The following STK3 variants were observed in gnomAD, a reference collection of about 807,000 sequenced individuals.
STK3 encodes the protein serine/threonine kinase 3.
A neutral mutation model predicts 58.0 loss-of-function variants in STK3; 41 were observed. That is an observed-to-expected ratio of 0.71 (90% CI 0.55 to 0.92). The LOEUF (loss-of-function observed/expected upper bound fraction) is 0.92, where lower values mean the gene tolerates loss of function less well. Ranked by LOEUF, STK3 falls within the 40% of genes least tolerant of loss-of-function variation. The pLI is 0.00. For synonymous variants in STK3, 170 were observed against 191.0 expected (o/e 0.89, Z 0.91); for missense variants, 479 against 602.7 (o/e 0.79, Z 2.15).
intron 6 of STK3, among the ~76,000 whole-genome samples, chr8:98,691,196 C>A (rs1224742834): frequency 1.3e-5 from 2 of 151,932 alleles, no homozygotes; most frequent in African/African-American, 4.8e-5. Context: ...TGCACATGTA[C>A]CCTAAAATAA....
At chr8:98,878,079 G>A (rs1837625746) in intron 3 of STK3, among the ~76,000 whole-genome samples, 1 of 142,358 alleles carries the variant, frequency 7.0e-6, no homozygotes, top group Non-Finnish European at 1.5e-5. Flanking sequence ...TTTTTTTTGA[G>A]TCTTGCTCTG....
At chr8:98,628,877 G>A (rs1469284305) in intron 6 of STK3, among the ~76,000 whole-genome samples, 1 of 149,526 alleles carries the variant, frequency 6.7e-6, no homozygotes, top group Non-Finnish European at 1.5e-5. Context: ...AGTGACGAAG[G>A]TAAAGGAATA....
At chr8:98,824,785 G>T (rs1835144506) in intron 1 of STK3, among the ~76,000 whole-genome samples, 1 of 152,126 alleles carries the variant, frequency 6.6e-6, no homozygotes, top group Non-Finnish European at 1.5e-5. Context: ...CTTCACAACA[G>T]CACTATCTGA....
chr8:98,857,050 G>A (rs1173974882), intron 3 of STK3, among the ~76,000 whole-genome samples: 1 of 152,174 alleles, frequency 6.6e-6, no homozygotes, highest in East Asian at 1.9e-4. Context: ...TTAGGGCAGG[G>A]GAGGACAGGG....
At chr8:98,941,168 G>T (rs1374218730) in intron 1 of STK3, among the ~76,000 whole-genome samples, 1 of 152,258 alleles carries the variant, frequency 6.6e-6, no homozygotes, top group Non-Finnish European at 1.5e-5. Flanking sequence ...GCAGCCCGCG[G>T]CTGCGCTTTC....
At chr8:98,763,465 A>AT (rs1830756064) in intron 3 of STK3, among the ~76,000 whole-genome samples, 1 of 152,230 alleles carries the variant, frequency 6.6e-6, no homozygotes, top group Non-Finnish European at 1.5e-5. Flanking sequence ...AAATAGCTGA[A>AT]TGTATTAAGA....
Position 98,428,632 on chromosome 8 carries a change from A to G in STK3, n.483+5495T>C. The G allele has an allele frequency of 6.2e-7, 1 of 1,614,198 alleles. No individual in the cohort carries two copies. Among genetic ancestry groups the G allele is most frequent in the Non-Finnish European group, 8.5e-7 (1 of 1,180,028 alleles). ...CCCGATTTCCAAATCCCTGACAGCC[A>G]GGGCAACCCTGGCGAGGACCCTAGG... On this transcript the variant is annotated intron_variant and non_coding_transcript_variant, in intron 3 of 3. Transcript: ENST00000517832. This position sits in a 1 kb window ranked among gnomAD's most constrained non-coding sequence, Gnocchi z 6.7.
chr8:98,623,850 G>A (rs376451117), intron 6 of STK3, among the ~76,000 whole-genome samples: 254 of 152,328 alleles, frequency 1.7e-3, no homozygotes, highest in African/African-American at 5.8e-3. Context: ...GCAAGCCAGA[G>A]GGAGACCTCA....
intron 1 of STK3, among the ~76,000 whole-genome samples, chr8:98,383,248 G>A (rs992289295): frequency 1.1e-4 from 17 of 152,190 alleles, no homozygotes; most frequent in Admixed American, 1.0e-3. Flanking sequence ...AGGGAGGCAA[G>A]CTTCAAGAGG....
chr8:98,538,387 A>T (rs1377222746), intron 9 of STK3, among the ~76,000 whole-genome samples: 1 of 152,234 alleles, frequency 6.6e-6, no homozygotes, highest in Non-Finnish European at 1.5e-5. Flanking sequence ...CTATTCATAA[A>T]AGATTAAAAA....
At chr8:98,911,298 G>A (rs1839121501) in intron 1 of STK3, among the ~76,000 whole-genome samples, 2 of 152,252 alleles carry the variant, frequency 1.3e-5, no homozygotes, top group South Asian at 2.1e-4. Flanking sequence ...TTCTGTTTTT[G>A]CCATGATCAA....
intron 1 of STK3, among the ~76,000 whole-genome samples, chr8:98,890,615 A>G (rs1670307765): frequency 6.6e-6 from 1 of 152,170 alleles, no homozygotes; most frequent in South Asian, 2.1e-4. Context: ...CAGGGGTCAC[A>G]TAAATAGAAG....
rs1338762257 is a variant in STK3 at position 98,596,109 on chromosome 8, C to T, written c.745G>A (p.Asp249Asn). Residue 249 changes from aspartate (D) to asparagine (N), a missense_variant, in exon 7 of 11, where the codon GAT becomes AAT. Physicochemically the swap from Asp to Asn is conservative, Grantham distance 23. Transcript: ENST00000419617. The part of the protein sequence containing the change: ...PTFRKPELWS[D>N]DFTDFVKKCL... ...TTTTTAACAAAATCGGTGAAATCAT[C>T]GGACCAAAGTTCTGGCTTTCTGAAT... 5 of 1,613,004 alleles carry T rather than the reference C, an allele frequency of 3.1e-6. No homozygotes were observed. Among genetic ancestry groups the T allele is most frequent in the Non-Finnish European group, 4.2e-6 (5 of 1,179,470 alleles).
the STK3 span, among the ~76,000 whole-genome samples, chr8:98,362,139 G>C: frequency 1.3e-5 from 2 of 152,212 alleles, no homozygotes; most frequent in African/African-American, 2.4e-5. Flanking sequence ...ACCTAGAAGA[G>C]AGCAAAGGAG....
chr8:98,446,812 C>A (rs998181249), intron 1 of STK3, among the ~76,000 whole-genome samples: 1 of 152,092 alleles, frequency 6.6e-6, no homozygotes, highest in Admixed American at 6.6e-5. Context: ...GCATCACTCA[C>A]AATAGCAAGG....
intron 4 of STK3, among the ~76,000 whole-genome samples, chr8:98,721,561 T>C (rs1390362699): frequency 6.6e-6 from 1 of 151,572 alleles, no homozygotes; most frequent in Non-Finnish European, 1.5e-5. Context: ...GATATTAATA[T>C]ATATAATTAT....
At chr8:98,706,446 A>G (rs1825967516) in intron 6 of STK3, 21 bp downstream of exon 6, 2 of 1,595,394 alleles carry the variant, frequency 1.3e-6, no homozygotes, top group Admixed American at 3.6e-5. Context: ...TAACATTTTC[A>G]GCAAACCATA....
intron 9 of STK3, among the ~76,000 whole-genome samples, chr8:98,529,967 A>G (rs974902854): frequency 6.6e-6 from 1 of 152,156 alleles, no homozygotes; most frequent in Non-Finnish European, 1.5e-5. Flanking sequence ...TGGCTGCACA[A>G]CTTTATGGAA....
rs571952509 is a variant in STK3 at position 98,682,754 on chromosome 8, C to T, written c.684+23713G>A. ...TTCTTTTTAAAAATATCAATCGACA[C>T]ATAATTTCAAAATTTAAACCTGATA... On this transcript the variant is annotated intron_variant, in intron 6 of 10. Coordinates refer to ENST00000419617, the MANE Select transcript of STK3 (RefSeq NM_006281.4). 7.6e-4 allele frequency among the ~76,000 whole-genome samples: 115 copies of T among 152,200 alleles called. 1 individual carries two copies. Among genetic ancestry groups the T allele is most frequent in the African/African-American group, 2.7e-3 (114 of 41,550 alleles).
Sources: allele counts gnomAD v4.1 joint callset (sites outside exome capture counted in the v4.1 genomes callset), GRCh38; gene constraint gnomAD v4.1.1; non-coding constraint Gnocchi (gnomAD v3.1); transcripts MANE v1.5; gene names NCBI Gene and HGNC (gene_info 2026-07-23, HGNC 2026-07-21).